The following PLA2G5 variants were observed in gnomAD, a reference collection of about 807,000 sequenced individuals.
PLA2G5 encodes Ca2+-dependent phospholipase A2.
Under a neutral mutation model 15.9 loss-of-function variants are expected in PLA2G5, and 12 were observed. That is an observed-to-expected ratio of 0.76 (90% CI 0.48 to 1.23). The LOEUF is 1.23. Among genes scored for constraint, PLA2G5 ranks in the 50% most tolerant of loss-of-function variants. PLA2G5 has a pLI of 0.00. For synonymous variants in PLA2G5, 71 were observed against 71.4 expected (o/e 0.99, Z 0.03); for missense variants, 169 against 177.1 (o/e 0.95, Z 0.26).
chr1:20,057,866 G>A (rs906133948), intron 1 of PLA2G5, among the ~76,000 whole-genome samples: 3 of 129,984 alleles, frequency 2.3e-5, no homozygotes, highest in Admixed American at 8.6e-5. Context: ...AATTCCTCTT[G>A]AGATTTTTTT....
chr1:20,048,470 T>C (rs1056155269), intron 1 of PLA2G5, among the ~76,000 whole-genome samples: 2 of 152,208 alleles, frequency 1.3e-5, no homozygotes, highest in Admixed American at 6.5e-5. Context: ...AAGACATTGA[T>C]ATTTGTTTAA....
At chr1:20,053,579 G>GT (rs2014285363) in intron 1 of PLA2G5, among the ~76,000 whole-genome samples, 1 of 140,190 alleles carries the variant, frequency 7.1e-6, no homozygotes, top group African/African-American at 2.7e-5. Flanking sequence ...GCGGGGGGGG[G>GT]GGTGATATGC....
At chr1:20,068,430 G>T (rs796591381), upstream of PLA2G5, among the ~76,000 whole-genome samples, 3 of 151,230 alleles carry the variant, frequency 2.0e-5, no homozygotes, top group African/African-American at 7.3e-5. Flanking sequence ...AACTTGTATG[G>T]CATGAAAGTT....
In PLA2G5 at chr1:20,061,358, G is replaced by A. The variant is rs555230327; in HGVS notation, n.337+1666G>A. 1.8e-4 allele frequency among the ~76,000 whole-genome samples: 28 copies of A among 152,182 alleles called. No individual in the cohort carries two copies. The East Asian group carries it at 5.2e-3, about 28-fold the overall frequency. Reference sequence around the variant, plus strand: ...CCAGCGCTTTGGGAGGCTGAGGCAGGAGGATCACTTGAGCTCAGGAGTTCG... The same window carrying A: ...CCAGCGCTTTGGGAGGCTGAGGCAGAAGGATCACTTGAGCTCAGGAGTTCG... On this transcript the variant is annotated intron_variant and non_coding_transcript_variant, in intron 2 of 6. Transcript: ENST00000460175.
chr1:20,028,956 G>A (rs918276683), intron 1 of PLA2G5, among the ~76,000 whole-genome samples: 4 of 152,212 alleles, frequency 2.6e-5, no homozygotes, highest in East Asian at 1.9e-4. Context: ...ACAGTGTCTA[G>A]GGATGAGTGT....
At chr1:20,050,701 AG>A (rs1429621214) in intron 1 of PLA2G5, among the ~76,000 whole-genome samples, 1 of 152,124 alleles carries the variant, frequency 6.6e-6, no homozygotes, top group Non-Finnish European at 1.5e-5. Context: ...CAAATAATAA[AG>A]GTTTTTGACT....
upstream of PLA2G5, among the ~76,000 whole-genome samples, chr1:20,067,841 G>A (rs571400444): frequency 1.4e-4 from 21 of 150,526 alleles, no homozygotes; most frequent in Non-Finnish European, 2.4e-4. Flanking sequence ...AGGGGAGGCC[G>A]GGCGCGGTGG....
At chr1:20,046,559 T>G (rs1361657192) in intron 1 of PLA2G5, among the ~76,000 whole-genome samples, 3 of 152,226 alleles carry the variant, frequency 2.0e-5, no homozygotes, top group Non-Finnish European at 2.9e-5. Context: ...CCCCTTTAAA[T>G]AATTCAGAAC....
chr1:20,077,563 A>G (rs3767228), intron 1 of PLA2G5, among the ~76,000 whole-genome samples: 28,177 of 152,084 alleles, frequency 0.19, 2,793 homozygotes, highest in East Asian at 0.31. Context: ...AGTTTACTGG[A>G]AAGACATAAT....
intron 1 of PLA2G5, among the ~76,000 whole-genome samples, chr1:20,039,067 T>C (rs1400756018): frequency 3.3e-5 from 5 of 152,184 alleles, no homozygotes; most frequent in African/African-American, 1.2e-4. Flanking sequence ...CTTGTGAACC[T>C]ATTGTGGCAC....
At chr1:20,049,142 A>G (rs1569679156) in intron 1 of PLA2G5, among the ~76,000 whole-genome samples, 1 of 152,294 alleles carries the variant, frequency 6.6e-6, no homozygotes, top group South Asian at 2.1e-4. Context: ...TATATGAGAA[A>G]GAATCTTGTA....
chr1:20,030,882 T>C (rs915434519), intron 1 of PLA2G5, among the ~76,000 whole-genome samples: 1 of 152,180 alleles, frequency 6.6e-6, no homozygotes, highest in Non-Finnish European at 1.5e-5. Flanking sequence ...GAGCACAGGG[T>C]TGGGGCTAAA....
chr1:20,090,090 C>T (rs756732131), intron 4 of PLA2G5, among the ~76,000 whole-genome samples, 195 bp downstream of exon 4: 18 of 152,274 alleles, frequency 1.2e-4, no homozygotes, highest in Middle Eastern at 3.4e-3. Flanking sequence ...TGCAAAAGTG[C>T]TTGACATGCT....
intron 1 of PLA2G5, among the ~76,000 whole-genome samples, chr1:20,054,180 C>T (rs1247792000): frequency 2.6e-5 from 4 of 152,190 alleles, no homozygotes; most frequent in African/African-American, 9.7e-5. Flanking sequence ...GAGAATTTCT[C>T]AATTCAATCC....
intron 1 of PLA2G5, among the ~76,000 whole-genome samples, chr1:20,072,341 C>A (rs749346038): frequency 2.6e-4 from 40 of 152,256 alleles, no homozygotes; most frequent in Non-Finnish European, 5.3e-4. Flanking sequence ...TTTGCTGTAT[C>A]CCCAGTGTCT....
At chr1:20,082,386 C>T (rs539143706) in intron 1 of PLA2G5, among the ~76,000 whole-genome samples, 8 of 151,896 alleles carry the variant, frequency 5.3e-5, no homozygotes, top group African/African-American at 1.9e-4. Flanking sequence ...TCCCTTGAGG[C>T]GTTCTTCCCT....
intron 1 of PLA2G5, among the ~76,000 whole-genome samples, chr1:20,056,571 G>A (rs935086254): frequency 6.6e-6 from 1 of 152,116 alleles, no homozygotes; most frequent in Non-Finnish European, 1.5e-5. Flanking sequence ...AATCTGACTT[G>A]GTTGTGGTGT....
intron 1 of PLA2G5, among the ~76,000 whole-genome samples, chr1:20,043,765 G>A (rs112214228): frequency 0.34 from 51,693 of 152,086 alleles, 10,278 homozygotes; most frequent in Non-Finnish European, 0.45. Context: ...AAGCTTGGCC[G>A]TCAATACCCA....
At position 20,089,807 on chromosome 1, in the gene PLA2G5, C is replaced by T. The variant is rs1230150817; in HGVS notation, c.204C>T (p.Asp68=). Residue 68 remains aspartate (D), a synonymous_variant, in exon 4 of 5, where the codon GAC becomes GAT. Coordinates refer to ENST00000375108, the MANE Select transcript of PLA2G5 (RefSeq NM_000929.3). ...CGGACAGGTGCTGTTGGGCGCATGA[C>T]CACTGCTATGGGCGGCTGGAGGAGA... The part of the protein sequence containing the change: ...DGTDWCCWAH[D]HCYGRLEEKG... 6.2e-7 allele frequency: 1 copy of T among 1,614,062 alleles called. No individual in the cohort carries two copies. The highest frequency in any genetic ancestry group is 1.1e-5 in the South Asian group (1 of 91,076).
Sources: allele counts gnomAD v4.1 joint callset (sites outside exome capture counted in the v4.1 genomes callset), GRCh38; gene constraint gnomAD v4.1.1; transcripts MANE v1.5; gene names NCBI Gene and HGNC (gene_info 2026-07-23, HGNC 2026-07-21).